Variants in UBASH3B observed in about 807,000 individuals in gnomAD.
UBASH3B encodes ubiquitin associated and SH3 domain containing B.
Under a neutral mutation model 83.4 loss-of-function variants are expected in UBASH3B, and 37 were observed. That is an observed-to-expected ratio of 0.44 (90% confidence interval 0.34 to 0.58). The LOEUF (loss-of-function observed/expected upper bound fraction) is 0.58, where lower values mean the gene tolerates loss of function less well. Ranked by LOEUF, UBASH3B falls within the 20% of genes least tolerant of loss-of-function variation. The pLI is 0.01. For missense variants in UBASH3B, 657 were observed against 827.2 expected, an observed-to-expected ratio of 0.79 and a Z score of 2.52; for synonymous variants, 304 against 318.3, an observed-to-expected ratio of 0.96 and a Z score of 0.48.
intron 5 of UBASH3B, among the ~76,000 whole-genome samples, chr11:122,786,757 T>G (rs1860961707): frequency 6.6e-6 from 1 of 152,196 alleles, no homozygotes; most frequent in Non-Finnish European, 1.5e-5. Flanking sequence ...TCTTTCAAAC[T>G]TAGGCTAAGG....
chr11:122,813,021 G>C lies in UBASH3B; in HGVS notation c.*3135G>C, dbSNP rs1001447439. On this transcript the variant is annotated 3_prime_UTR_variant, in exon 14 of 14. Transcript: ENST00000284273. The stretch of plus-strand genomic sequence containing the variant: ...ACTCTGTAGTGAAAGGCTTGGAGGA[G>C]TTTCTACTTTTTATTTTAATTATAC... The C allele has an allele frequency of 6.6e-6, 1 of 152,486 alleles. No homozygotes were observed. The highest frequency in any genetic ancestry group is 1.5e-5 in the Non-Finnish European group (1 of 68,028). 9.4% of individuals were successfully genotyped at this position (152,486 alleles called of 1,614,324 possible).
intron 1 of UBASH3B, among the ~76,000 whole-genome samples, chr11:122,706,461 A>T (rs901256617): frequency 6.6e-6 from 1 of 152,152 alleles, no homozygotes; most frequent in Non-Finnish European, 1.5e-5. Context: ...AGGTCTGGAG[A>T]AATAGCTTTG....
chr11:122,678,488 G>A (rs1368471311), intron 1 of UBASH3B, among the ~76,000 whole-genome samples: 1 of 152,220 alleles, frequency 6.6e-6, no homozygotes, highest in Non-Finnish European at 1.5e-5. Context: ...GCCTCTAGGA[G>A]TGAAGATGGT....
At chr11:122,670,606 A>ATTAAAATAGCATTCAGTTTGTGTG (rs1863581546) in intron 1 of UBASH3B, among the ~76,000 whole-genome samples, 1 of 152,138 alleles carries the variant, frequency 6.6e-6, no homozygotes, top group Admixed American at 6.6e-5. Flanking sequence ...GTGCACGATA[A>ATTAAAATAGCATTCAGTTTGTGTG]ATGGTAGGCA....
chr11:122,737,423 T>C (rs995766691), intron 1 of UBASH3B, among the ~76,000 whole-genome samples: 2 of 152,030 alleles, frequency 1.3e-5, no homozygotes, highest in African/African-American at 4.8e-5. Flanking sequence ...ATGAATTAGA[T>C]AGGAGAGGTG....
intron 1 of UBASH3B, 58 bp downstream of exon 1, chr11:122,656,268 G>A: frequency 3.0e-6 from 4 of 1,316,128 alleles, no homozygotes; most frequent in Non-Finnish European, 3.9e-6. Context: ...GCCGGCCCTC[G>A]GCTTCGCTCC....
intron 1 of UBASH3B, 69 bp downstream of exon 1, chr11:122,656,279 G>A: frequency 7.7e-7 from 1 of 1,292,262 alleles, no homozygotes; most frequent in Non-Finnish European, 9.9e-7. Flanking sequence ...GCTTCGCTCC[G>A]GCTCGCCTCC....
At chr11:122,800,275 C>T (rs1861229130) in intron 10 of UBASH3B, among the ~76,000 whole-genome samples, 1 of 151,728 alleles carries the variant, frequency 6.6e-6, no homozygotes, top group Non-Finnish European at 1.5e-5. Flanking sequence ...CGCAGTGGCT[C>T]ACGCCTGTAA....
At chr11:122,753,079 C>T (rs192341571) in intron 1 of UBASH3B, among the ~76,000 whole-genome samples, 2 of 151,534 alleles carry the variant, frequency 1.3e-5, no homozygotes, top group Non-Finnish European at 2.9e-5. Context: ...CCTGGTAGCG[C>T]TCAGCCTAGG....
At chr11:122,674,182 A>C (rs1182151610) in intron 1 of UBASH3B, among the ~76,000 whole-genome samples, 1 of 152,240 alleles carries the variant, frequency 6.6e-6, no homozygotes, top group Non-Finnish European at 1.5e-5. Flanking sequence ...GCCCACAAAC[A>C]CAGAGATGTA....
chr11:122,746,651 GGTAGAGAGTGCTATGAGACTTCC>G (rs1232259253), intron 1 of UBASH3B, among the ~76,000 whole-genome samples: 44 of 152,214 alleles, frequency 2.9e-4, no homozygotes, highest in African/African-American at 9.9e-4. Flanking sequence ...ATAGAAGAAT[GGTAGAGAGTGCTATGAGACTTCC>G]GAAGAGAGCT....
At chr11:122,710,153 CAAAAA>C (rs533815380) in intron 1 of UBASH3B, among the ~76,000 whole-genome samples, 8 of 65,252 alleles carry the variant, frequency 1.2e-4, no homozygotes, top group Admixed American at 5.3e-4. Flanking sequence ...GAGACTGTCT[CAAAAA>C]AAAAAAAAAA....
At chr11:122,684,890 G>A (rs190676937) in intron 1 of UBASH3B, among the ~76,000 whole-genome samples, 112 of 152,262 alleles carry the variant, frequency 7.4e-4, no homozygotes, top group African/African-American at 2.5e-3. Flanking sequence ...AAGCCACTGC[G>A]CCCAGCCTGT....
intron 11 of UBASH3B, among the ~76,000 whole-genome samples, chr11:122,803,691 G>T (rs1170888506): frequency 1.3e-5 from 2 of 152,178 alleles, no homozygotes; most frequent in African/African-American, 4.8e-5. Context: ...GATCTGGAGT[G>T]TTGGAGGGGA....
In UBASH3B at chr11:122,761,250, G is replaced by A. The variant is rs147763675; in HGVS notation, c.162-14969G>A. Among the ~76,000 whole-genome samples, 9 of 152,210 alleles carry A rather than the reference G, an allele frequency of 5.9e-5. No individual in the cohort carries two copies. In the East Asian group the frequency reaches 1.2e-3, roughly 20 times the overall value. On this transcript the variant is annotated intron_variant, in intron 1 of 13. Coordinates refer to ENST00000284273, the MANE Select transcript of UBASH3B (RefSeq NM_032873.5). ...GGCCTCAGCTTAGTTATCCAAGTCC[G>A]TGACTTCTTTGTGTTTACTCACATA... is the stretch of plus-strand genomic sequence containing the variant.
In UBASH3B at chr11:122,737,303, C is replaced by T. The variant is rs560375701; in HGVS notation, c.162-38916C>T. The stretch of plus-strand genomic sequence containing the variant: ...GAAGCAGGAGATTTGTTAAAGCTGC[C>T]GGAGTTGTCAAAGCGAGGGGTGATG... On this transcript the variant is annotated intron_variant, in intron 1 of 13. Transcript: ENST00000284273. Among the ~76,000 whole-genome samples, 163 of 152,082 alleles carry T rather than the reference C, an allele frequency of 1.1e-3. 1 individual carries two copies. In the Middle Eastern group the frequency reaches 0.017, roughly 16 times the overall value.
At chr11:122,668,010 G>A (rs76255233) in intron 1 of UBASH3B, among the ~76,000 whole-genome samples, 1 of 152,264 alleles carries the variant, frequency 6.6e-6, no homozygotes, top group African/African-American at 2.4e-5. Context: ...TTTTGAGATA[G>A]AATTTCATTC....
At chr11:122,746,093 G>A (rs17126807) in intron 1 of UBASH3B, among the ~76,000 whole-genome samples, 27,241 of 152,124 alleles carry the variant, frequency 0.18, 2,717 homozygotes, top group Non-Finnish European at 0.22. Context: ...TTAGATGAAG[G>A]CTCCGTGCCC....
chr11:122,686,875 T>G (rs1863815262), intron 1 of UBASH3B, among the ~76,000 whole-genome samples: 1 of 152,018 alleles, frequency 6.6e-6, no homozygotes, highest in Non-Finnish European at 1.5e-5. Flanking sequence ...ATTTTTTTTT[T>G]TCTTTTTTTT....
Sources: allele counts gnomAD v4.1 joint callset (sites outside exome capture counted in the v4.1 genomes callset), GRCh38; gene constraint gnomAD v4.1.1; transcripts MANE v1.5; gene names NCBI Gene and HGNC (gene_info 2026-07-23, HGNC 2026-07-21).